CTTN: variants seen among roughly 807,000 people sequenced by gnomAD.
CTTN encodes cortactin, also known as src substrate cortactin.
In CTTN, 28 loss-of-function variants were observed where a neutral mutation model predicts 84.0. The observed-to-expected ratio is 0.33, with a 90% CI of 0.25 to 0.46. CTTN has a LOEUF of 0.46. CTTN is among the 20% of genes least tolerant of loss of function. The pLI, the probability that CTTN is intolerant of heterozygous loss-of-function variation, is 1.00. For synonymous variants in CTTN, 301 were observed against 288.8 expected (o/e 1.04, Z -0.43); for missense variants, 641 against 723.8 (o/e 0.89, Z 1.31).
At chr11:70,431,314 G>T in intron 15 of CTTN, 34 bp downstream of exon 15, 1 of 1,601,682 alleles carries the variant, frequency 6.2e-7, no homozygotes, top group South Asian at 1.1e-5. Flanking sequence ...GAGCGTGAGT[G>T]ACTTACTGCC....
At chr11:70,431,303 T>A in intron 15 of CTTN, 23 bp downstream of exon 15, 2 of 1,608,866 alleles carry the variant, frequency 1.2e-6, no homozygotes, top group Non-Finnish European at 1.7e-6. Flanking sequence ...GGTGTTTGAA[T>A]GAGCGTGAGT....
intron 8 of CTTN, among the ~76,000 whole-genome samples, chr11:70,418,135 A>T (rs3132423): frequency 6.6e-6 from 1 of 151,328 alleles, no homozygotes; most frequent in East Asian, 1.9e-4. Flanking sequence ...AAAAAAAAAA[A>T]TTACCCCAAA....
rs756120215 is a variant in CTTN at position 70,415,731 on chromosome 11, G to A, written c.457+14G>A. ...CCTCCCAGAAAGGTAAGACGCGAAA[G>A]GTGCAGAAAGAGCCCGCTCCGGGGG... On this transcript the variant is annotated intron_variant, in intron 7 of 17. Transcript: ENST00000301843. 1.2e-6 allele frequency: 2 copies of A among 1,614,014 alleles called. No homozygotes were observed. The highest frequency in any genetic ancestry group is 1.1e-5 in the South Asian group (1 of 91,082).
At chr11:70,415,801 C>T in intron 7 of CTTN, 84 bp downstream of exon 7, 1 of 1,366,720 alleles carries the variant, frequency 7.3e-7, no homozygotes, top group South Asian at 1.2e-5. Flanking sequence ...TTTCCCCGCG[C>T]TCCGGGGGCC....
At chr11:70,415,600 A>G (rs2058148911) in intron 6 of CTTN, 63 bp from the exon 7 acceptor site, 1 of 1,365,646 alleles carries the variant, frequency 7.3e-7, no homozygotes, top group Admixed American at 1.7e-5. Context: ...ATTCAGAGAG[A>G]TTGTTTCAGG....
chr11:70,424,495 C>T (rs1402191783), intron 12 of CTTN, among the ~76,000 whole-genome samples: 3 of 151,942 alleles, frequency 2.0e-5, no homozygotes, highest in Admixed American at 1.3e-4. Context: ...CCCGGGTCCC[C>T]ATACATTGTG....
At chr11:70,411,475 A>G (rs1277790649) in intron 5 of CTTN, among the ~76,000 whole-genome samples, 1 of 151,922 alleles carries the variant, frequency 6.6e-6, no homozygotes, top group East Asian at 1.9e-4. Context: ...AGTGCAGTGA[A>G]CGAAGCAAGT....
intron 12 of CTTN, 24 bp from the exon 13 acceptor site, chr11:70,425,308 G>T (rs1253143691): frequency 6.3e-7 from 1 of 1,599,778 alleles, no homozygotes; most frequent in Non-Finnish European, 8.5e-7. Flanking sequence ...GTGCTCTCCT[G>T]ACGCCCATGT....
chr11:70,398,817 G>A (rs1022734829), intron 1 of CTTN, among the ~76,000 whole-genome samples: 2 of 151,744 alleles, frequency 1.3e-5, no homozygotes, highest in African/African-American at 4.8e-5. Context: ...GGTCCGCGAG[G>A]GCCACGAGGA....
In CTTN at chr11:70,435,248, T is replaced by C; in HGVS notation, c.*86T>C. On this transcript the variant is annotated 3_prime_UTR_variant, in exon 18 of 18. Transcript: ENST00000301843. ...TTGGTTCTTGGGTGGTTTTGGGTTT[T>C]TTCTGTTTTTTTTTTTTTTTTTTTT... 1 of 1,394,714 alleles carries C rather than the reference T, an allele frequency of 7.2e-7. No individual in the cohort carries two copies. The highest frequency in any genetic ancestry group is 9.2e-7 in the Non-Finnish European group (1 of 1,083,910). 86.4% of individuals were successfully genotyped at this position (1,394,714 alleles called of 1,614,324 possible).
At position 70,425,038 on chromosome 11, in the gene CTTN, A is replaced by T. The variant is rs1168448337; in HGVS notation, c.958-294A>T. ...TAAATGCTCACACCTCTGGGTGGCG[A>T]CGGAGGGTGGGGAAGGCTTGAGGCT... On this transcript the variant is annotated intron_variant, in intron 12 of 17. Coordinates refer to ENST00000301843, the MANE Select transcript of CTTN (RefSeq NM_005231.4). Among the ~76,000 whole-genome samples the T allele has an allele frequency of 2.0e-5, 3 of 152,146 alleles. No homozygotes were observed. The East Asian group carries it at 5.8e-4, about 29-fold the overall frequency.
chr11:70,434,337 G>C (rs2058390721), intron 17 of CTTN, among the ~76,000 whole-genome samples: 1 of 152,228 alleles, frequency 6.6e-6, no homozygotes, highest in Non-Finnish European at 1.5e-5. Flanking sequence ...GCCACCACCT[G>C]GTCCACAAAG....
In CTTN at chr11:70,407,395, C is replaced by G; in HGVS notation, c.87+11C>G. On this transcript the variant is annotated intron_variant, in intron 3 of 17. Coordinates refer to ENST00000301843, the MANE Select transcript of CTTN (RefSeq NM_005231.4). Reference sequence around the variant, plus strand: ...GACCCTGATTTTGTGGTAGGAGCCGCCAGCCTTTGCTTTCCTCTTTCATGA... The same window carrying G: ...GACCCTGATTTTGTGGTAGGAGCCGGCAGCCTTTGCTTTCCTCTTTCATGA... 1 of 1,609,512 alleles carries G rather than the reference C, an allele frequency of 6.2e-7. No homozygotes were observed. Among genetic ancestry groups the G allele is most frequent in the Non-Finnish European group, 8.5e-7 (1 of 1,177,636 alleles).
chr11:70,420,407 G>GAAT lies in CTTN; in HGVS notation c.689_690insTAA (p.Val229_Lys230insAsn), dbSNP rs776693277. The GAAT allele has an allele frequency of 6.2e-7, 1 of 1,613,518 alleles. No individual in the cohort carries two copies. Reference sequence around the variant, plus strand: ...CTTTCATTGTGCATGTAGACTATGTGAAAGGGTTTGGAGGAAAATTTGGTG... The same window carrying GAAT: ...CTTTCATTGTGCATGTAGACTATGTGAATAAAGGGTTTGGAGGAAAATTTGGTG... On this transcript the variant is annotated inframe_insertion, in exon 10 of 18. Transcript: ENST00000301843.
intron 13 of CTTN, among the ~76,000 whole-genome samples, chr11:70,425,805 A>G (rs1277003036): frequency 6.6e-6 from 1 of 152,194 alleles, no homozygotes; most frequent in Admixed American, 6.5e-5. Context: ...GACAGCAGAC[A>G]TTCTCTCTGC....
chr11:70,414,503 T>C (rs7932550), intron 5 of CTTN, 39 bp from the exon 6 acceptor site: 339,561 of 1,448,562 alleles, frequency 0.23, 41,153 homozygotes, highest in Admixed American at 0.3. Context: ...GCCGCAGTGT[T>C]GTTGGTGTCT....
At position 70,420,520 on chromosome 11, in the gene CTTN, C is replaced by T. The variant is rs111875327; in HGVS notation, c.790+10C>T. 6.2e-4 allele frequency: 991 copies of T among 1,593,732 alleles called. 9 individuals are homozygous for T. The African/African-American group carries it at 0.012, about 19-fold the overall frequency. On this transcript the variant is annotated intron_variant, in intron 10 of 17. Transcript: ENST00000301843. Reference sequence around the variant, plus strand: ...CATGAATCCCAAAAAGGTACATTCACTCTGCCTGTATGCGAGATGGTTTTA... The same window carrying T: ...CATGAATCCCAAAAAGGTACATTCATTCTGCCTGTATGCGAGATGGTTTTA...
chr11:70,411,874 G>A (rs2058100032), intron 5 of CTTN, among the ~76,000 whole-genome samples: 1 of 152,124 alleles, frequency 6.6e-6, no homozygotes, highest in Non-Finnish European at 1.5e-5. Context: ...CTCCCCTCCG[G>A]GCTGGGCTTT....
chr11:70,420,699 G>A (rs957372351), intron 10 of CTTN, among the ~76,000 whole-genome samples, 189 bp downstream of exon 10: 1 of 152,216 alleles, frequency 6.6e-6, no homozygotes, highest in Non-Finnish European at 1.5e-5. Context: ...AACCCTCCCT[G>A]CTGACACGGG....
Sources: gnomAD v4.1 joint callset for allele counts (sites outside exome capture counted in the v4.1 genomes callset) on GRCh38, gnomAD v4.1.1 for gene constraint, MANE v1.5 for transcripts, NCBI Gene and HGNC (gene_info 2026-07-23, HGNC 2026-07-21) for gene names.